The following CCSER1 variants were observed in gnomAD, a reference collection of about 807,000 sequenced individuals.
CCSER1 encodes the protein coiled-coil serine rich protein 1, also known as serine-rich coiled-coil domain-containing protein 1.
Under a neutral mutation model 82.0 loss-of-function variants are expected in CCSER1, and 41 were observed. The ratio of observed to expected loss-of-function variants is 0.50; its 90% confidence interval spans 0.39 to 0.65. CCSER1 has a LOEUF of 0.65. Ranked by LOEUF, CCSER1 falls within the 30% of genes least tolerant of loss-of-function variation. The pLI is 0.00. For missense variants in CCSER1, 1,119 were observed against 1,064.2 expected (o/e 1.05, Z -0.72); for synonymous variants, 414 against 383.9 (o/e 1.08, Z -0.92).
At chr4:90,507,056 A>T (rs1485142753) in intron 5 of CCSER1, among the ~76,000 whole-genome samples, 1 of 152,200 alleles carries the variant, frequency 6.6e-6, no homozygotes, top group African/African-American at 2.4e-5. Flanking sequence ...TTGACAACTA[A>T]CAAGGAAAAC....
At chr4:90,317,495 G>A (rs1452221778) in intron 3 of CCSER1, among the ~76,000 whole-genome samples, 1 of 152,162 alleles carries the variant, frequency 6.6e-6, no homozygotes. Context: ...GGTGGCCAGT[G>A]CCTGTAATCC....
chr4:91,254,451 T>C (rs1476823542), intron 10 of CCSER1, among the ~76,000 whole-genome samples: 1 of 152,164 alleles, frequency 6.6e-6, no homozygotes, highest in African/African-American at 2.4e-5. Flanking sequence ...AATCATAAAA[T>C]GACAAGTACT....
intron 5 of CCSER1, among the ~76,000 whole-genome samples, chr4:90,622,510 C>T (rs896935141): frequency 1.3e-5 from 2 of 152,092 alleles, no homozygotes; most frequent in Non-Finnish European, 2.9e-5. Flanking sequence ...TGAGTGAGAA[C>T]ATGCGGTGTT....
chr4:91,568,940 TC>T (rs1440987852), intron 10 of CCSER1, among the ~76,000 whole-genome samples: 1 of 152,164 alleles, frequency 6.6e-6, no homozygotes, highest in African/African-American at 2.4e-5. Context: ...TTACAGGAGT[TC>T]TTGCACTGGT....
Position 91,059,148 on chromosome 4 carries a change from A to C in CCSER1, c.2173-26802A>C, listed in dbSNP as rs566007958. Among the ~76,000 whole-genome samples the C allele has an allele frequency of 2.6e-5, 4 of 152,022 alleles. No individual in the cohort carries two copies. The South Asian group carries it at 8.3e-4, about 32-fold the overall frequency. ...GACTGCTAAACAACCACCCTTGATA[A>C]CATACTTTTATTTTGTGTCACATTC... On this transcript the variant is annotated intron_variant, in intron 9 of 10. Coordinates refer to ENST00000509176, the MANE Select transcript of CCSER1 (RefSeq NM_001145065.2).
chr4:91,202,139 ATTTG>A (rs1735947824), intron 10 of CCSER1, among the ~76,000 whole-genome samples: 3 of 149,676 alleles, frequency 2.0e-5, no homozygotes, highest in East Asian at 2.0e-4. Context: ...TAATTAGGTT[ATTTG>A]TTTGGCTGTT....
At chr4:90,147,160 T>TGTGTCTTTCTGTGTGTAAGACACTTTACC in intron 1 of CCSER1, among the ~76,000 whole-genome samples, 1 of 151,404 alleles carries the variant, frequency 6.6e-6, no homozygotes, top group Non-Finnish European at 1.5e-5. Flanking sequence ...GACACTTTAC[T>TGTGTCTTTCTGTGTGTAAGACACTTTACC]GTGTCTTTCT....
At chr4:91,085,243 T>C (rs1723254658) in intron 9 of CCSER1, among the ~76,000 whole-genome samples, 1 of 152,126 alleles carries the variant, frequency 6.6e-6, no homozygotes, top group Admixed American at 6.6e-5. Flanking sequence ...TAATCAAAAT[T>C]CTTAATGATA....
chr4:90,161,741 C>T (rs1295878418), intron 1 of CCSER1, among the ~76,000 whole-genome samples: 1 of 151,912 alleles, frequency 6.6e-6, no homozygotes, highest in African/African-American at 2.4e-5. Flanking sequence ...TCTCTGTGCA[C>T]TAATAGAATG....
intron 5 of CCSER1, among the ~76,000 whole-genome samples, chr4:90,551,533 A>G (rs1221081805): frequency 6.6e-6 from 1 of 151,714 alleles, no homozygotes; most frequent in Non-Finnish European, 1.5e-5. Context: ...TCCCCTGTGC[A>G]TCCTTTAGGT....
chr4:90,623,720 T>TA (rs1722778237), intron 5 of CCSER1, among the ~76,000 whole-genome samples: 1 of 152,196 alleles, frequency 6.6e-6, no homozygotes, highest in Admixed American at 6.5e-5. Context: ...AACATTCAGT[T>TA]ACAGAATAAT....
At chr4:90,593,972 G>A (rs1354513426) in intron 5 of CCSER1, among the ~76,000 whole-genome samples, 1 of 151,896 alleles carries the variant, frequency 6.6e-6, no homozygotes, top group African/African-American at 2.4e-5. Context: ...AACTGCAGAT[G>A]TACAGCATAA....
chr4:91,182,644 T>G (rs975226126), intron 10 of CCSER1, among the ~76,000 whole-genome samples: 1 of 152,238 alleles, frequency 6.6e-6, no homozygotes, highest in Non-Finnish European at 1.5e-5. Flanking sequence ...TTGGCTATTA[T>G]AGCCTGGGGC....
chr4:90,511,466 G>A lies in CCSER1; in HGVS notation c.1724+43112G>A, dbSNP rs35498405. 9.3e-3 allele frequency among the ~76,000 whole-genome samples: 1,413 copies of A among 152,232 alleles called. 5 individuals are homozygous for A. Among genetic ancestry groups the A allele is most frequent in the Non-Finnish European group, 0.015 (1,001 of 68,010 alleles). ...CTTGGTAACTTCAACACAGCTTTAC[G>A]TTGGTGAAGATTCAAGTGCTATTCG... On this transcript the variant is annotated intron_variant, in intron 5 of 10. Coordinates refer to ENST00000509176, the MANE Select transcript of CCSER1 (RefSeq NM_001145065.2).
intron 10 of CCSER1, among the ~76,000 whole-genome samples, chr4:91,148,635 TC>T (rs1729791795): frequency 6.6e-6 from 1 of 152,072 alleles, no homozygotes; most frequent in African/African-American, 2.4e-5. Context: ...CCATCCCCCA[TC>T]CCACCACCCC....
In CCSER1 at chr4:90,416,350, C is replaced by A. The variant is rs142782156; in HGVS notation, c.1603+16221C>A. 4.3e-3 allele frequency among the ~76,000 whole-genome samples: 659 copies of A among 152,202 alleles called. 6 individuals are homozygous for A. The highest frequency in any genetic ancestry group is 0.015 in the African/African-American group (638 of 41,534). ...GAGAGAAAATTGCACCTTAATGATT[C>A]ATTCAAAATAAAGAAACTACAAATT... On this transcript the variant is annotated intron_variant, in intron 4 of 10. Coordinates refer to ENST00000509176, the MANE Select transcript of CCSER1 (RefSeq NM_001145065.2).
chr4:90,585,291 A>G (rs1781872248), intron 5 of CCSER1, among the ~76,000 whole-genome samples: 1 of 152,212 alleles, frequency 6.6e-6, no homozygotes. Context: ...GGTACTAACA[A>G]CTTGGAAAAC....
chr4:91,477,037 A>C (rs1420329800), intron 10 of CCSER1, among the ~76,000 whole-genome samples: 1 of 151,624 alleles, frequency 6.6e-6, no homozygotes, highest in African/African-American at 2.4e-5. Flanking sequence ...ACCTCAAAAA[A>C]CACTAACAAC....
intron 1 of CCSER1, among the ~76,000 whole-genome samples, chr4:90,274,734 C>T (rs1184991050): frequency 6.6e-6 from 1 of 152,058 alleles, no homozygotes; most frequent in Non-Finnish European, 1.5e-5. Flanking sequence ...GAATATCATA[C>T]TTTCAGAATT....
Sources: allele counts gnomAD v4.1 joint callset (sites outside exome capture counted in the v4.1 genomes callset), GRCh38; gene constraint gnomAD v4.1.1; transcripts MANE v1.5; gene names NCBI Gene and HGNC (gene_info 2026-07-23, HGNC 2026-07-21).